The following TCF23 variants were observed in gnomAD, a reference collection of about 807,000 sequenced individuals.
The protein encoded by TCF23 is transcription factor 23.
Under a neutral mutation model 13.0 loss-of-function variants are expected in TCF23, and 7 were observed. The observed-to-expected ratio is 0.54, with a 90% CI of 0.31 to 1.01. The LOEUF (loss-of-function observed/expected upper bound fraction) is 1.01, where lower values mean the gene tolerates loss of function less well. Among genes scored for constraint, TCF23 ranks in the 50% least tolerant of loss-of-function variants. The pLI, the probability that TCF23 is intolerant of heterozygous loss-of-function variation, is 0.06. For synonymous variants in TCF23, 122 were observed against 119.5 expected, an observed-to-expected ratio of 1.02 and a Z score of -0.14; for missense variants, 257 against 289.8, an observed-to-expected ratio of 0.89 and a Z score of 0.82.
In TCF23 at chr2:27,150,092, TCA is replaced by T. The variant is rs1408520107; in HGVS notation, c.223-23_223-22del. ...AAGTCAGGGCAGTTGGGAGTCCAGG[TCA>T]CACACACTCACTGGGGCCCTCTGTG... On this transcript the variant is annotated intron_variant, in intron 1 of 2. Coordinates refer to ENST00000296096, the MANE Select transcript of TCF23 (RefSeq NM_175769.3). This position sits in a 1 kb window ranked among gnomAD's most constrained non-coding sequence, Gnocchi z 4.1. 2.5e-6 allele frequency: 4 copies of T among 1,580,318 alleles called. No individual in the cohort carries two copies. Among genetic ancestry groups the T allele is most frequent in the African/African-American group, 1.3e-5 (1 of 74,580 alleles).
In TCF23 at chr2:27,150,484, C is replaced by T; in HGVS notation, c.465+119C>T. 17 of 1,496,180 alleles carry T rather than the reference C, an allele frequency of 1.1e-5. No homozygotes were observed. Among genetic ancestry groups the T allele is most frequent in the Non-Finnish European group, 1.5e-5 (17 of 1,109,044 alleles). 92.7% of individuals were successfully genotyped at this position (1,496,180 alleles called of 1,614,324 possible). A position where few individuals can be genotyped will look rare whatever the true frequency, so the allele number is the denominator to read the frequency against. ...CCCCTGCCCTGTGCAGAACTGACGT[C>T]GGAGCCAATTTCTCCTGCTGTCTCA... On this transcript the variant is annotated intron_variant, in intron 2 of 2. Coordinates refer to ENST00000296096, the MANE Select transcript of TCF23 (RefSeq NM_175769.3). The surrounding 1 kb of genome is among the most constrained non-coding windows in gnomAD (Gnocchi z 4.1).
chr2:27,152,784 G>A lies in TCF23; in HGVS notation c.562G>A (p.Ala188Thr), dbSNP rs777138220. ...CACCCCCAGCCAAAGAACAAGAGAT[G>A]CAGAGGTGGGGTCCCAAGTCCCTGG... The part of the protein sequence containing the change: ...ASTPSQRTRD[A>T]EVGSQVPGEA... Residue 188 changes from alanine (A) to threonine (T), a missense_variant, in exon 3 of 3, where the codon GCA becomes ACA. By Grantham distance (58) the Ala-to-Thr change is moderately conservative (BLOSUM62 0). Coordinates refer to ENST00000296096, the MANE Select transcript of TCF23 (RefSeq NM_175769.3). 1.2e-6 allele frequency: 2 copies of A among 1,614,190 alleles called. No individual in the cohort carries two copies. The highest frequency in any genetic ancestry group is 2.2e-5 in the South Asian group (2 of 91,080).
rs1454039167 is a variant in TCF23 at position 27,152,838 on chromosome 2, C to G, written c.616C>G (p.Pro206Ala). The G allele has an allele frequency of 1.2e-6, 2 of 1,614,016 alleles. No homozygotes were observed. The highest frequency in any genetic ancestry group is 1.7e-6 in the Non-Finnish European group (2 of 1,179,944). The part of the protein sequence containing the change: ...GEADALLSTT[P>A]LSPALGDK ...GGCAGATGCTCTCCTTTCCACCACA[C>G]CACTCTCACCAGCTCTTGGTGACAA... Residue 206 changes from proline (P) to alanine (A), a missense_variant, in exon 3 of 3, where the codon CCA becomes GCA. Transcript: ENST00000296096.
Position 27,150,174 on chromosome 2 carries a change from C to G in TCF23, c.274C>G (p.Leu92Val), listed in dbSNP as rs138997726. The change falls in exon 2 of 3, where the codon CTG becomes GTG. Residue 92 changes from leucine to valine, a missense_variant. Transcript: ENST00000296096. This position sits in a 1 kb window ranked among gnomAD's most constrained non-coding sequence, Gnocchi z 4.1. ...GCGGGAGCGGAGCCGGGTCAGGACG[C>G]TGCGCCAGGCCTTCTTGGCCTTGCA... ...AARERSRVRT[L>V]RQAFLALQAA... 6.2e-7 allele frequency: 1 copy of G among 1,611,594 alleles called. No homozygotes were observed. The highest frequency in any genetic ancestry group is 8.5e-7 in the Non-Finnish European group (1 of 1,179,882).
In TCF23 at chr2:27,155,350, C is replaced by G. The variant is rs915072722; in HGVS notation, c.*2483C>G. Reference sequence around the variant, plus strand: ...GGAATAACCAGAGGATGGACTGGGCCCTCCCTCCCTGACAAGCACAGTAAT... The same window carrying G: ...GGAATAACCAGAGGATGGACTGGGCGCTCCCTCCCTGACAAGCACAGTAAT... On this transcript the variant is annotated 3_prime_UTR_variant, in exon 3 of 3. Transcript: ENST00000296096. The G allele has an allele frequency of 6.6e-5, 10 of 152,214 alleles. No individual in the cohort carries two copies. The highest frequency in any genetic ancestry group is 1.3e-4 in the Non-Finnish European group (9 of 68,108). The allele number at this position is 152,214 out of a possible 1,614,324, so 9.4% of individuals were successfully genotyped here.
chr2:27,152,540 CATG>C, intron 2 of TCF23, 145 bp from the exon 3 acceptor site: 1 of 866,610 alleles, frequency 1.2e-6, no homozygotes, highest in Non-Finnish European at 1.7e-6. Context: ...TGGGGCTGTA[CATG>C]ATGATGACCC....
rs1465224711 is a variant in TCF23 at position 27,150,487 on chromosome 2, A to T, written c.465+122A>T. ...CTGCCCTGTGCAGAACTGACGTCGGAGCCAATTTCTCCTGCTGTCTCAGAG... is the reference window on the plus strand; with the variant it reads ...CTGCCCTGTGCAGAACTGACGTCGGTGCCAATTTCTCCTGCTGTCTCAGAG... On this transcript the variant is annotated intron_variant, in intron 2 of 2. Transcript: ENST00000296096. This position sits in a 1 kb window ranked among gnomAD's most constrained non-coding sequence, Gnocchi z 4.1. The T allele has an allele frequency of 2.7e-6, 4 of 1,489,464 alleles. No homozygotes were observed. Among genetic ancestry groups the T allele is most frequent in the Non-Finnish European group, 3.6e-6 (4 of 1,103,662 alleles). The allele number at this position is 1,489,464 out of a possible 1,614,324, so 92.3% of individuals were successfully genotyped here.
At chr2:27,149,485 TTAGA>T in intron 1 of TCF23, 130 bp downstream of exon 1, 3 of 888,032 alleles carry the variant, frequency 3.4e-6, no homozygotes, top group Non-Finnish European at 5.2e-6. Context: ...CACTGGCCCC[TTAGA>T]CTCCAAGGCA....
intron 1 of TCF23, 43 bp downstream of exon 1, chr2:27,149,398 G>A (rs1257101871): frequency 6.5e-7 from 1 of 1,535,982 alleles, no homozygotes; most frequent in Non-Finnish European, 8.8e-7. Context: ...GGGGAGGAAG[G>A]GGTTGGAAGG....
At position 27,156,625 on chromosome 2, in the gene TCF23, A is replaced by C. The variant is rs1256823784; in HGVS notation, c.*3758A>C. 1 of 150,892 alleles carries C rather than the reference A, an allele frequency of 6.6e-6. No individual in the cohort carries two copies. Among genetic ancestry groups the C allele is most frequent in the Non-Finnish European group, 1.5e-5 (1 of 67,850 alleles). 9.3% of individuals were successfully genotyped at this position (150,892 alleles called of 1,614,324 possible). ...ATGGTCTTGATCTCCTGACCTCGTG[A>C]TCCGCCCGCCTCGGCCTCCCAAAGT... On this transcript the variant is annotated 3_prime_UTR_variant, in exon 3 of 3. Transcript: ENST00000296096.
At chr2:27,151,806 TTTTC>T (rs1672764387) in intron 2 of TCF23, among the ~76,000 whole-genome samples, 1 of 151,942 alleles carries the variant, frequency 6.6e-6, no homozygotes, top group Non-Finnish European at 1.5e-5. Context: ...TGGCTTTTTT[TTTTC>T]TTTTTTTTTT....
Position 27,151,690 on chromosome 2 carries a change from C to T in TCF23, c.466-998C>T, listed in dbSNP as rs542934064. Among the ~76,000 whole-genome samples, 5 of 152,190 alleles carry T rather than the reference C, an allele frequency of 3.3e-5. No individual in the cohort carries two copies. In the South Asian group the frequency reaches 1.0e-3, roughly 32 times the overall value. ...TCTCACTGTCGCCCATGCTGGAGTG[C>T]AGTAGCGCAATCATAGCTTACTGTA... On this transcript the variant is annotated intron_variant, in intron 2 of 2. Coordinates refer to ENST00000296096, the MANE Select transcript of TCF23 (RefSeq NM_175769.3).
Position 27,152,903 on chromosome 2 carries a change from C to T in TCF23, c.*36C>T, listed in dbSNP as rs1222265936. On this transcript the variant is annotated 3_prime_UTR_variant, in exon 3 of 3. Transcript: ENST00000296096. ...CGCCCTTTTCTCCTAGACTGTGACT[C>T]ATGCTTATGGGCCTGGATTTTCTAC... 1.9e-6 allele frequency: 3 copies of T among 1,588,634 alleles called. No individual in the cohort carries two copies. Among genetic ancestry groups the T allele is most frequent in the Non-Finnish European group, 1.7e-6 (2 of 1,164,254 alleles).
In TCF23 at chr2:27,156,537, C is replaced by G. The variant is rs1672839335; in HGVS notation, c.*3670C>G. The G allele has an allele frequency of 6.6e-6, 1 of 151,396 alleles. No individual in the cohort carries two copies. Among genetic ancestry groups the G allele is most frequent in the African/African-American group, 2.4e-5 (1 of 41,052 alleles). 9.4% of individuals were successfully genotyped at this position (151,396 alleles called of 1,614,324 possible). ...GGACTACAGGCACCCGCCAACACGC[C>G]CGGCTAATTTTTTTTTTTTTTTGTA... On this transcript the variant is annotated 3_prime_UTR_variant, in exon 3 of 3. Transcript: ENST00000296096.
intron 1 of TCF23, 81 bp downstream of exon 1, chr2:27,149,436 G>A: frequency 1.5e-6 from 2 of 1,322,754 alleles, no homozygotes; most frequent in Admixed American, 2.1e-5. Flanking sequence ...TGATGGTACA[G>A]CCTCACTCAG....
rs1237516155 is a variant in TCF23 at position 27,156,572 on chromosome 2, G to C, written c.*3705G>C. 2.0e-5 allele frequency: 3 copies of C among 149,120 alleles called. No homozygotes were observed. The highest frequency in any genetic ancestry group is 4.5e-5 in the Non-Finnish European group (3 of 67,364). 9.2% of individuals were successfully genotyped at this position (149,120 alleles called of 1,614,324 possible). A position where few individuals can be genotyped will look rare whatever the true frequency, so the allele number is the denominator to read the frequency against. Reference sequence around the variant, plus strand: ...TTTTTTTTTTTTTGTATTTTTAGTAGAGACGGGGTTTCACCATGTTAGCCA... The same window carrying C: ...TTTTTTTTTTTTTGTATTTTTAGTACAGACGGGGTTTCACCATGTTAGCCA... On this transcript the variant is annotated 3_prime_UTR_variant, in exon 3 of 3. Coordinates refer to ENST00000296096, the MANE Select transcript of TCF23 (RefSeq NM_175769.3).
Position 27,150,275 on chromosome 2 carries a change from A to G in TCF23, c.375A>G (p.Ile125Met), listed in dbSNP as rs953823726. The change falls in exon 2 of 3, where the codon ATA becomes ATG. Residue 125 changes from isoleucine (I) to methionine (M), a missense_variant. Coordinates refer to ENST00000296096, the MANE Select transcript of TCF23 (RefSeq NM_175769.3). This position sits in a 1 kb window ranked among gnomAD's most constrained non-coding sequence, Gnocchi z 4.1. The part of the protein sequence containing the change: ...LDVLVLAASY[I>M]AHLTRTLGHE... The stretch of plus-strand genomic sequence containing the variant: ...TGCTGGTGCTCGCCGCCAGCTACAT[A>G]GCCCACCTCACCCGCACACTCGGCC... The G allele has an allele frequency of 1.9e-6, 3 of 1,613,790 alleles. No homozygotes were observed. Among genetic ancestry groups the G allele is most frequent in the Non-Finnish European group, 2.5e-6 (3 of 1,179,984 alleles).
rs1672735149 is a variant in TCF23, at chr2:27,150,006, G to T, written c.223-117G>T. On this transcript the variant is annotated intron_variant, in intron 1 of 2. Coordinates refer to ENST00000296096, the MANE Select transcript of TCF23 (RefSeq NM_175769.3). This position sits in a 1 kb window ranked among gnomAD's most constrained non-coding sequence, Gnocchi z 4.1. ...TGACGTAGGTGGGCAGAGGCCCTCT[G>T]GTGCCTACTGCTAGACACCCTTCTA... The T allele has an allele frequency of 1.3e-6, 2 of 1,486,128 alleles. No homozygotes were observed. Among genetic ancestry groups the T allele is most frequent in the East Asian group, 2.3e-5 (1 of 43,836 alleles). The allele number at this position is 1,486,128 out of a possible 1,614,324, so 92.1% of individuals were successfully genotyped here.
At position 27,149,304 on chromosome 2, in the gene TCF23, A is replaced by G; in HGVS notation, c.171A>G (p.Arg57=). 2 of 1,597,456 alleles carry G rather than the reference A, an allele frequency of 1.3e-6. No individual in the cohort carries two copies. The highest frequency in any genetic ancestry group is 1.7e-6 in the Non-Finnish European group (2 of 1,172,368). Residue 57 remains arginine (R), a synonymous_variant, in exon 1 of 3, where the codon AGA becomes AGG. Transcript: ENST00000296096. ...GCTGGAGCAACCAGAGATGGAGCAG[A>G]GCTACCCCTGGCCCTCGAGGGACCA... is the stretch of plus-strand genomic sequence containing the variant. ...ERSWSNQRWS[R]ATPGPRGTRA...
Sources: gnomAD v4.1 joint callset for allele counts (sites outside exome capture counted in the v4.1 genomes callset) on GRCh38, gnomAD v4.1.1 for gene constraint, Gnocchi (gnomAD v3.1) non-coding constraint, MANE v1.5 for transcripts, NCBI Gene and HGNC (gene_info 2026-07-23, HGNC 2026-07-21) for gene names.